PRPSAP2: variants seen among roughly 807,000 people sequenced by gnomAD.
The protein encoded by PRPSAP2 is phosphoribosyl pyrophosphate synthase-associated protein 2.
PRPSAP2 carries 24 observed loss-of-function variants against 40.6 expected under a neutral mutation model. That is an observed-to-expected ratio of 0.59 (90% CI 0.43 to 0.83). PRPSAP2 has a LOEUF of 0.83. PRPSAP2 is among the 40% of genes least tolerant of loss of function. The pLI, the probability that PRPSAP2 is intolerant of heterozygous loss-of-function variation, is 0.00. For synonymous variants in PRPSAP2, 149 were observed against 164.7 expected, an observed-to-expected ratio of 0.90 and a Z score of 0.73; for missense variants, 292 against 465.6, an observed-to-expected ratio of 0.63 and a Z score of 3.43.
intron 7 of PRPSAP2, among the ~76,000 whole-genome samples, chr17:18,886,929 C>CTTTTTTTTTTT (rs71155365): frequency 5.0e-4 from 38 of 75,388 alleles, no homozygotes; most frequent in South Asian, 1.5e-3. Context: ...TTCTTTTCTT[C>CTTTTTTTTTTT]TTTTTTTTTT....
At chr17:18,886,591 C>T (rs2039161435) in intron 7 of PRPSAP2, among the ~76,000 whole-genome samples, 1 of 152,058 alleles carries the variant, frequency 6.6e-6, no homozygotes, top group African/African-American at 2.4e-5. Context: ...ATCTCCTGAC[C>T]TAATGATCTG....
intron 8 of PRPSAP2, among the ~76,000 whole-genome samples, chr17:18,900,661 T>C (rs1180814848): frequency 6.6e-6 from 1 of 152,100 alleles, no homozygotes; most frequent in Non-Finnish European, 1.5e-5. Flanking sequence ...GTGGTGGTGT[T>C]GGGGCTCGTT....
chr17:18,908,340 A>G, intron 8 of PRPSAP2: 1 of 776,052 alleles, frequency 1.3e-6, no homozygotes, highest in South Asian at 1.3e-5. Context: ...TCCAACCATG[A>G]CCCTCAGTTT....
chr17:18,908,860 C>G (rs2040772103), intron 8 of PRPSAP2: 1 of 621,530 alleles, frequency 1.6e-6, no homozygotes, highest in Non-Finnish European at 2.9e-6. Flanking sequence ...TGAGGAGAAG[C>G]AATAAATCAT....
intron 6 of PRPSAP2, among the ~76,000 whole-genome samples, chr17:18,879,895 C>G (rs940833252): frequency 9.2e-5 from 14 of 152,020 alleles, no homozygotes; most frequent in African/African-American, 2.4e-4. Context: ...GTTGGGAGTT[C>G]AGAGCAGCCT....
chr17:18,907,678 C>T (rs1295039816), intron 8 of PRPSAP2, among the ~76,000 whole-genome samples: 1 of 152,100 alleles, frequency 6.6e-6, no homozygotes, highest in African/African-American at 2.4e-5. Flanking sequence ...GCAAGCCATA[C>T]AAAATATATT....
At chr17:18,860,808 T>A (rs971966792) in intron 1 of PRPSAP2, 4 of 152,202 alleles carry the variant, frequency 2.6e-5, no homozygotes, top group Non-Finnish European at 5.9e-5. Context: ...AAGGAAATGA[T>A]CTCTCAGTGT....
intron 8 of PRPSAP2, among the ~76,000 whole-genome samples, chr17:18,903,863 C>T (rs562128381): frequency 1.1e-3 from 171 of 152,176 alleles, no homozygotes; most frequent in Non-Finnish European, 1.9e-3. Flanking sequence ...GTTCTAATGT[C>T]CTGATAAACA....
chr17:18,856,494 T>C (rs1343392527), upstream of PRPSAP2: 1 of 152,182 alleles, frequency 6.6e-6, no homozygotes, highest in African/African-American at 2.4e-5. Context: ...CCTGTAAAGT[T>C]GTCAGGCAAA....
intron 4 of PRPSAP2, among the ~76,000 whole-genome samples, chr17:18,868,537 G>T (rs2037601693): frequency 2.0e-5 from 3 of 151,874 alleles, no homozygotes; most frequent in African/African-American, 7.3e-5. Flanking sequence ...GCTTGCATGG[G>T]CTTGAGAGTT....
chr17:18,868,255 C>T (rs2037572746), intron 4 of PRPSAP2, among the ~76,000 whole-genome samples: 1 of 152,056 alleles, frequency 6.6e-6, no homozygotes, highest in African/African-American at 2.4e-5. Context: ...GGGCGGATCA[C>T]CTGAGGTCAG....
At chr17:18,886,263 T>C (rs185365515) in intron 7 of PRPSAP2, among the ~76,000 whole-genome samples, 1 of 152,270 alleles carries the variant, frequency 6.6e-6, no homozygotes, top group East Asian at 1.9e-4. Context: ...CTCCATCTCT[T>C]GTGTTTGTCA....
intron 4 of PRPSAP2, among the ~76,000 whole-genome samples, chr17:18,869,838 T>TGTG (rs58195806): frequency 9.3e-5 from 13 of 139,660 alleles, no homozygotes; most frequent in South Asian, 4.4e-4. Context: ...TTGCTACTTT[T>TGTG]TTTTTGTGTG....
At chr17:18,918,856 A>G (rs961524150) in intron 9 of PRPSAP2, among the ~76,000 whole-genome samples, 5 of 152,246 alleles carry the variant, frequency 3.3e-5, no homozygotes, top group Non-Finnish European at 7.3e-5. Context: ...GTGAAGTTTT[A>G]TTGACTCTGT....
intron 8 of PRPSAP2, among the ~76,000 whole-genome samples, chr17:18,902,643 G>T (rs1367692269): frequency 6.6e-6 from 1 of 152,020 alleles, no homozygotes; most frequent in Non-Finnish European, 1.5e-5. Flanking sequence ...GCCGAGGGGG[G>T]TGGATCACTT....
intron 5 of PRPSAP2, among the ~76,000 whole-genome samples, chr17:18,874,048 G>A (rs948244356): frequency 2.0e-5 from 3 of 152,080 alleles, no homozygotes; most frequent in African/African-American, 7.2e-5. Flanking sequence ...GGGACTACAG[G>A]CATGCACCAG....
chr17:18,913,157 T>G (rs909822176), intron 9 of PRPSAP2, among the ~76,000 whole-genome samples: 6 of 152,190 alleles, frequency 3.9e-5, no homozygotes, highest in Admixed American at 3.3e-4. Flanking sequence ...ATTGCCCTAG[T>G]GGGGTCTCTC....
chr17:18,867,279 T>C lies in PRPSAP2; in HGVS notation c.120-3T>C, dbSNP rs2037502339. 36 of 1,614,094 alleles carry C rather than the reference T, an allele frequency of 2.2e-5. No homozygotes were observed. The highest frequency in any genetic ancestry group is 2.9e-5 in the Non-Finnish European group (34 of 1,179,954). On this transcript the variant is annotated splice_polypyrimidine_tract_variant and splice_region_variant and intron_variant, in intron 3 of 11. Coordinates refer to ENST00000268835, the MANE Select transcript of PRPSAP2 (RefSeq NM_002767.4). The stretch of plus-strand genomic sequence containing the variant: ...CAGCTTTTTCCCCCTTTCTCTTCTC[T>C]AGGCGGCTAGGGGTGGAGATGGGCA...
At chr17:18,900,816 G>A (rs1220192668) in intron 8 of PRPSAP2, among the ~76,000 whole-genome samples, 2 of 152,160 alleles carry the variant, frequency 1.3e-5, no homozygotes, top group African/African-American at 4.8e-5. Flanking sequence ...TCATTGGGTG[G>A]TGGTGGAATT....
Sources: allele counts gnomAD v4.1 joint callset (sites outside exome capture counted in the v4.1 genomes callset), GRCh38; gene constraint gnomAD v4.1.1; transcripts MANE v1.5; gene names NCBI Gene and HGNC (gene_info 2026-07-23, HGNC 2026-07-21).